Variants in MX1 observed in about 807,000 individuals in gnomAD.
MX1 encodes the protein interferon-induced GTP-binding protein Mx1.
Under a neutral mutation model 66.4 loss-of-function variants are expected in MX1, and 66 were observed. The observed-to-expected ratio is 0.99, with a 90% confidence interval of 0.82 to 1.22. The LOEUF (loss-of-function observed/expected upper bound fraction) is 1.22, where lower values mean the gene tolerates loss of function less well. MX1 is among the 50% of genes most tolerant of loss of function. The pLI is 0.00. For missense variants in MX1, 787 were observed against 834.3 expected (o/e 0.94, Z 0.70); for synonymous variants, 311 against 318.1 (o/e 0.98, Z 0.24).
rs1477557488 is a variant in MX1, at chr21:41,427,794, C to T, written c.-170C>T. The T allele has an allele frequency of 6.6e-6, 1 of 152,192 alleles. No homozygotes were observed. Among genetic ancestry groups the T allele is most frequent in the Non-Finnish European group, 1.5e-5 (1 of 68,062 alleles). The allele number at this position is 152,192 out of a possible 1,614,324, so 9.4% of individuals were successfully genotyped here. A position where few individuals can be genotyped will look rare whatever the true frequency, so the allele number is the denominator to read the frequency against. On this transcript the variant is annotated 5_prime_UTR_variant, in exon 3 of 17. Coordinates refer to ENST00000398598, the MANE Select transcript of MX1 (RefSeq NM_002462.5). ...CACTGCGAGGAGATCGGTTCTGGGTCGGAGGCTACAGGAAGACTCCCACTC... is the reference window on the plus strand; with the variant it reads ...CACTGCGAGGAGATCGGTTCTGGGTTGGAGGCTACAGGAAGACTCCCACTC...
chr21:41,458,456 C>T, intron 16 of MX1, 72 bp from the exon 17 acceptor site: 1 of 1,165,436 alleles, frequency 8.6e-7, no homozygotes, highest in Non-Finnish European at 1.1e-6. Flanking sequence ...CCCTCATGTG[C>T]ACATGGTGAG....
intron 6 of MX1, among the ~76,000 whole-genome samples, chr21:41,436,564 A>G (rs910465648): frequency 6.6e-6 from 1 of 152,208 alleles, no homozygotes; most frequent in African/African-American, 2.4e-5. Flanking sequence ...TGCAATACAG[A>G]TCAGGTGTGG....
At chr21:41,442,251 G>A (rs1792209701) in intron 10 of MX1, among the ~76,000 whole-genome samples, 1 of 152,010 alleles carries the variant, frequency 6.6e-6, no homozygotes, top group Non-Finnish European at 1.5e-5. Context: ...AAAGTAGAAA[G>A]CCCAGAAATA....
intron 6 of MX1, among the ~76,000 whole-genome samples, chr21:41,436,272 G>A (rs2090360260): frequency 6.6e-6 from 1 of 152,136 alleles, no homozygotes. Context: ...TTCTTCATAA[G>A]GGCACCAGTC....
chr21:41,442,038 TGCGC>T, intron 10 of MX1, 124 bp downstream of exon 10: 1 of 824,640 alleles, frequency 1.2e-6, no homozygotes, highest in Non-Finnish European at 1.9e-6. Context: ...TGTGTGTGTG[TGCGC>T]GTGTGTGTGT....
intron 10 of MX1, among the ~76,000 whole-genome samples, chr21:41,442,957 G>A (rs1296205383): frequency 6.6e-6 from 1 of 152,234 alleles, no homozygotes; most frequent in Admixed American, 6.5e-5. Context: ...CTGGGAGAGA[G>A]AGAATGGGCA....
intron 5 of MX1, among the ~76,000 whole-genome samples, chr21:41,435,452 C>T (rs1164580146): frequency 6.6e-6 from 1 of 152,106 alleles, no homozygotes; most frequent in Non-Finnish European, 1.5e-5. Flanking sequence ...TCTCACACTG[C>T]TATAAAGAAC....
Position 41,449,284 on chromosome 21 carries a change from A to G in MX1, c.1421A>G (p.His474Arg), listed in dbSNP as rs372146835. 7.2e-5 allele frequency: 116 copies of G among 1,611,868 alleles called. No individual in the cohort carries two copies. Among genetic ancestry groups the G allele is most frequent in the Non-Finnish European group, 9.6e-5 (113 of 1,179,438 alleles). Residue 474 changes from histidine to arginine, a missense_variant, in exon 14 of 17, where the codon CAC becomes CGC. Coordinates refer to ENST00000398598, the MANE Select transcript of MX1 (RefSeq NM_002462.5). Reference sequence around the variant, plus strand: ...GAAGAGCCGGCTGTGGATATGCTACACACCGTGACGGGTGAGTGCTCAGTT... The same window carrying G: ...GAAGAGCCGGCTGTGGATATGCTACGCACCGTGACGGGTGAGTGCTCAGTT... The part of the protein sequence containing the change: ...ALEEPAVDML[H>R]TVTDMVRLAF...
intron 16 of MX1, among the ~76,000 whole-genome samples, chr21:41,456,385 A>G (rs2090959907): frequency 6.6e-6 from 1 of 152,228 alleles, no homozygotes; most frequent in Non-Finnish European, 1.5e-5. Context: ...CAGGAAGAGC[A>G]GGCCAGAAAT....
At chr21:41,445,673 C>A in intron 12 of MX1, 103 bp downstream of exon 12, 1 of 1,502,618 alleles carries the variant, frequency 6.7e-7, no homozygotes, top group Non-Finnish European at 9.0e-7. Flanking sequence ...AAGGCTGATC[C>A]AAAGACATCT....
chr21:41,432,093 T>A lies in MX1; in HGVS notation c.23T>A (p.Ile8Asn). Residue 8 changes from isoleucine to asparagine, a missense_variant, in exon 5 of 17, where the codon ATC becomes AAC. Coordinates refer to ENST00000398598, the MANE Select transcript of MX1 (RefSeq NM_002462.5). The part of the protein sequence containing the change: MVVSEVD[I>N]AKADPAAASH... ...AAGATGGTTGTTTCCGAAGTGGACA[T>A]CGCAAAAGCTGATCCAGCTGCTGCA... 2 of 1,614,172 alleles carry A rather than the reference T, an allele frequency of 1.2e-6. No individual in the cohort carries two copies. Among genetic ancestry groups the A allele is most frequent in the Non-Finnish European group, 8.5e-7 (1 of 1,180,036 alleles).
Position 41,440,490 on chromosome 21 carries a change from C to T in MX1, c.592-397C>T, listed in dbSNP as rs117495279. On this transcript the variant is annotated intron_variant, in intron 8 of 16. Transcript: ENST00000398598. ...CAAGAATCTGTCTCAAAACAAAAAA[C>T]AAAACAAAACAAGCAAGAAAGAAAT... is the stretch of plus-strand genomic sequence containing the variant. Among the ~76,000 whole-genome samples the T allele has an allele frequency of 7.4e-3, 1,121 of 152,152 alleles. 4 individuals carry two copies. The highest frequency in any genetic ancestry group is 0.01 in the Non-Finnish European group (704 of 68,006).
At chr21:41,445,729 A>G in intron 12 of MX1, 159 bp downstream of exon 12, 2 of 1,072,220 alleles carry the variant, frequency 1.9e-6, no homozygotes, top group Non-Finnish European at 2.6e-6. Context: ...GAGGCAGGGC[A>G]GGGAGTGCAG....
At chr21:41,457,086 A>G (rs956800263) in intron 16 of MX1, among the ~76,000 whole-genome samples, 1 of 152,154 alleles carries the variant, frequency 6.6e-6, no homozygotes. Flanking sequence ...ACAGCCTAAT[A>G]GGTGAAAATG....
Position 41,441,978 on chromosome 21 carries a change from C to G in MX1, c.929+64C>G. 6.5e-7 allele frequency: 1 copy of G among 1,543,996 alleles called. No individual in the cohort carries two copies. The highest frequency in any genetic ancestry group is 8.9e-7 in the Non-Finnish European group (1 of 1,117,866). The stretch of plus-strand genomic sequence containing the variant: ...CCAGGATGTCAGGCCTTCCAGGGGA[C>G]AGTGGCAGCCGTCCCACAGATGTGT... On this transcript the variant is annotated intron_variant, in intron 10 of 16. Coordinates refer to ENST00000398598, the MANE Select transcript of MX1 (RefSeq NM_002462.5). The surrounding 1 kb of genome is among the most constrained non-coding windows in gnomAD (Gnocchi z 4.0).
At chr21:41,442,469 G>A (rs2146236391) in intron 10 of MX1, among the ~76,000 whole-genome samples, 1 of 152,226 alleles carries the variant, frequency 6.6e-6, no homozygotes, top group Non-Finnish European at 1.5e-5. Context: ...TCAGAAGAAA[G>A]GTAGGTGAAT....
At chr21:41,436,179 C>T in intron 6 of MX1, 150 bp downstream of exon 6, 1 of 920,172 alleles carries the variant, frequency 1.1e-6, no homozygotes, top group Admixed American at 2.8e-5. Flanking sequence ...GGCCTTTCTC[C>T]ATGGCTTGCA....
chr21:41,436,876 C>G lies in MX1; in HGVS notation c.299-139C>G. 7 of 996,672 alleles carry G rather than the reference C, an allele frequency of 7.0e-6. No individual in the cohort carries two copies. In the South Asian group the frequency reaches 1.2e-4, roughly 17 times the overall value. 61.7% of individuals were successfully genotyped at this position (996,672 alleles called of 1,614,324 possible). Reference sequence around the variant, plus strand: ...GACACAGTGCGATGTCCCCGCATATCAGAGGGTAAGACCAGAAAGTTTCCA... The same window carrying G: ...GACACAGTGCGATGTCCCCGCATATGAGAGGGTAAGACCAGAAAGTTTCCA... On this transcript the variant is annotated intron_variant, in intron 6 of 16. Coordinates refer to ENST00000398598, the MANE Select transcript of MX1 (RefSeq NM_002462.5).
At chr21:41,435,365 T>C (rs2090330740) in intron 5 of MX1, among the ~76,000 whole-genome samples, 1 of 152,238 alleles carries the variant, frequency 6.6e-6, no homozygotes, top group African/African-American at 2.4e-5. Context: ...TCTCTTCCAT[T>C]CTCTTTTGGG....
Sources: gnomAD v4.1 joint callset for allele counts (sites outside exome capture counted in the v4.1 genomes callset) on GRCh38, gnomAD v4.1.1 for gene constraint, Gnocchi (gnomAD v3.1) non-coding constraint, MANE v1.5 for transcripts, NCBI Gene and HGNC (gene_info 2026-07-23, HGNC 2026-07-21) for gene names.